Variants in LYG1 observed in about 807,000 individuals in gnomAD.
LYG1 encodes lysozyme g-like protein 1.
A neutral mutation model predicts 21.7 loss-of-function variants in LYG1; 17 were observed. The observed-to-expected ratio is 0.78, with a 90% CI of 0.54 to 1.18. LYG1 has a LOEUF of 1.18. LYG1 is among the 50% of genes most tolerant of loss of function. The pLI is 0.00. For synonymous variants in LYG1, 81 were observed against 87.4 expected (o/e 0.93, Z 0.41); for missense variants, 211 against 238.1 (o/e 0.89, Z 0.75).
chr2:99,300,596 CT>C (rs2094151298), intron 1 of LYG1, among the ~76,000 whole-genome samples: 2 of 152,082 alleles, frequency 1.3e-5, no homozygotes, highest in African/African-American at 2.4e-5. Flanking sequence ...AGAACCAATA[CT>C]CATGGTCTAT....
chr2:99,285,510 AAAG>A (rs2094096672), intron 5 of LYG1, among the ~76,000 whole-genome samples: 1 of 152,242 alleles, frequency 6.6e-6, no homozygotes, highest in African/African-American at 2.4e-5. Flanking sequence ...GAGTGAAAAA[AAAG>A]CACACTCCTG....
intron 5 of LYG1, among the ~76,000 whole-genome samples, chr2:99,287,151 T>G (rs1056949874): frequency 2.0e-5 from 3 of 152,218 alleles, no homozygotes; most frequent in Non-Finnish European, 4.4e-5. Context: ...GTATAAAATT[T>G]TAGTCATGCA....
At chr2:99,295,171 G>A (rs1294442429) in intron 3 of LYG1, among the ~76,000 whole-genome samples, 1 of 152,196 alleles carries the variant, frequency 6.6e-6, no homozygotes. Context: ...CTGCAAAGCT[G>A]AAGTTCAATC....
intron 3 of LYG1, 32 bp downstream of exon 3, chr2:99,295,596 C>G: frequency 4.3e-6 from 7 of 1,613,598 alleles, no homozygotes; most frequent in Non-Finnish European, 5.9e-6. Context: ...TTCCCATCTC[C>G]AAAGTCATTT....
rs1381861048 is a variant in LYG1 at position 99,298,542 on chromosome 2, C to T, written c.-116G>A. On this transcript the variant is annotated 5_prime_UTR_variant, in exon 2 of 7. Transcript: ENST00000308528. ...ATGGACCATGTCTTCTTCAGTTCAT[C>T]AATTTTTCTAGAAAAGGTAGAAACA... The T allele has an allele frequency of 6.6e-6, 1 of 152,226 alleles. No individual in the cohort carries two copies. Among genetic ancestry groups the T allele is most frequent in the African/African-American group, 2.4e-5 (1 of 41,446 alleles). The allele number at this position is 152,226 out of a possible 1,614,324, so 9.4% of individuals were successfully genotyped here.
chr2:99,291,240 C>T lies in LYG1; in HGVS notation c.330G>A (p.Val110=), dbSNP rs985941174. 1.9e-6 allele frequency: 3 copies of T among 1,613,834 alleles called. No homozygotes were observed. The highest frequency in any genetic ancestry group is 2.5e-6 in the Non-Finnish European group (3 of 1,179,860). The change falls in exon 5 of 7, where the codon GTG becomes GTA. Residue 110 remains valine, a synonymous_variant. Transcript: ENST00000308528. ...LVNMGDRTSM[V]QDPGSQAPTS... The stretch of plus-strand genomic sequence containing the variant: ...GTGTCAACGGATGAAGAGTTACCTG[C>T]ACCATGCTAGTCCTATCGCCCATGT...
upstream of LYG1, among the ~76,000 whole-genome samples, chr2:99,301,508 G>T: frequency 9.4e-6 from 1 of 106,652 alleles, no homozygotes; most frequent in Non-Finnish European, 2.0e-5. Context: ...AAGGAAGGAA[G>T]GAAGGGAGGG....
chr2:99,284,425 G>C lies in LYG1; in HGVS notation c.553C>G (p.Arg185Gly). Residue 185 changes from arginine to glycine, a missense_variant, in exon 7 of 7, where the codon CGA becomes GGA. By Grantham distance (125) the Arg-to-Gly change is moderately radical. Coordinates refer to ENST00000308528, the MANE Select transcript of LYG1 (RefSeq NM_174898.3). ...CCATGTCTCTTGAGGTACTTGGCTC[G>C]TGCAAGGACATCATTGCAGAAGTCA... ...SCDFCNDVLA[R>G]AKYLKRHGF 2 of 1,614,176 alleles carry C rather than the reference G, an allele frequency of 1.2e-6. No homozygotes were observed. The highest frequency in any genetic ancestry group is 8.5e-7 in the Non-Finnish European group (1 of 1,180,010).
At chr2:99,289,210 A>G (rs533918380) in intron 5 of LYG1, among the ~76,000 whole-genome samples, 17 of 152,282 alleles carry the variant, frequency 1.1e-4, no homozygotes, top group African/African-American at 4.1e-4. Context: ...CTGTAATCCC[A>G]GCACTTTGGG....
intron 1 of LYG1, among the ~76,000 whole-genome samples, chr2:99,299,247 TTTTC>T (rs1397354086): frequency 3.3e-5 from 5 of 150,572 alleles, no homozygotes; most frequent in Non-Finnish European, 7.4e-5. Context: ...TTTCTTTTTC[TTTTC>T]TTTTTGTTTT....
chr2:99,291,555 A>C (rs977517197), intron 4 of LYG1, 134 bp from the exon 5 acceptor site: 1 of 1,002,820 alleles, frequency 1.0e-6, no homozygotes, highest in East Asian at 2.6e-5. Flanking sequence ...TTTGGTCTTA[A>C]ATCTTTAGTA....
chr2:99,297,989 A>G (rs1197410236), intron 2 of LYG1, among the ~76,000 whole-genome samples: 3 of 152,240 alleles, frequency 2.0e-5, no homozygotes. Context: ...AGGTAGGGTT[A>G]CAGGCTCAAG....
chr2:99,290,232 G>A (rs1266983238), intron 5 of LYG1, among the ~76,000 whole-genome samples: 1 of 152,134 alleles, frequency 6.6e-6, no homozygotes, highest in Non-Finnish European at 1.5e-5. Context: ...ATTTTACAAA[G>A]GAGACAGAAC....
rs117559017 is a variant in LYG1, at chr2:99,284,952, G to A, written c.334-132C>T. Reference sequence around the variant, plus strand: ...CACCTTTGATGGAACCAATGCCACCGTCAGTCTCCTGTGAGGTAGGTTAGA... The same window carrying A: ...CACCTTTGATGGAACCAATGCCACCATCAGTCTCCTGTGAGGTAGGTTAGA... On this transcript the variant is annotated intron_variant, in intron 5 of 6. Coordinates refer to ENST00000308528, the MANE Select transcript of LYG1 (RefSeq NM_174898.3). 1,920 of 1,232,602 alleles carry A rather than the reference G, an allele frequency of 1.6e-3. 48 individuals are homozygous for A. In the East Asian group the frequency reaches 0.04, roughly 25 times the overall value. The allele number at this position is 1,232,602 out of a possible 1,614,324, so 76.4% of individuals were successfully genotyped here.
chr2:99,285,101 C>A (rs865796096), intron 5 of LYG1, among the ~76,000 whole-genome samples: 17 of 152,180 alleles, frequency 1.1e-4, no homozygotes, highest in African/African-American at 3.6e-4. Context: ...GTGGCTTATG[C>A]CTGTGATCCC....
At chr2:99,293,009 T>TTTTTTTTA (rs1297037136) in intron 3 of LYG1, among the ~76,000 whole-genome samples, 1 of 148,594 alleles carries the variant, frequency 6.7e-6, no homozygotes, top group Non-Finnish European at 1.5e-5. Flanking sequence ...TTTTTTTTTT[T>TTTTTTTTA]GAGATGGAGT....
Position 99,292,524 on chromosome 2 carries a change from G to A in LYG1, c.148+12C>T. On this transcript the variant is annotated intron_variant, in intron 4 of 6. Transcript: ENST00000308528. ...CGGGGGATAGGTTGAGAGGGCGAAA[G>A]CTCATAGCTACCACAGTAGTTCAGG... The A allele has an allele frequency of 6.3e-7, 1 of 1,597,852 alleles. No homozygotes were observed. The highest frequency in any genetic ancestry group is 1.3e-5 in the African/African-American group (1 of 74,682).
intron 2 of LYG1, 37 bp from the exon 3 acceptor site, chr2:99,295,739 A>G: frequency 6.4e-7 from 1 of 1,569,930 alleles, no homozygotes; most frequent in Non-Finnish European, 8.8e-7. Flanking sequence ...ATACAAAAAT[A>G]TCAGTCATCA....
At chr2:99,300,586 A>G (rs2094151261) in intron 1 of LYG1, among the ~76,000 whole-genome samples, 1 of 152,184 alleles carries the variant, frequency 6.6e-6, no homozygotes, top group Non-Finnish European at 1.5e-5. Context: ...AGATTGTTAT[A>G]GAACCAATAC....
Sources: allele counts gnomAD v4.1 joint callset (sites outside exome capture counted in the v4.1 genomes callset), GRCh38; gene constraint gnomAD v4.1.1; transcripts MANE v1.5; gene names NCBI Gene and HGNC (gene_info 2026-07-23, HGNC 2026-07-21).